The following COL5A2 variants were observed in gnomAD, a reference collection of about 807,000 sequenced individuals.
COL5A2 encodes the protein collagen type V alpha 2 chain, also known as collagen alpha-2(V) chain.
Under a neutral mutation model 208.2 loss-of-function variants are expected in COL5A2, and 23 were observed. The ratio of observed to expected loss-of-function variants is 0.11; its 90% CI spans 0.08 to 0.16. COL5A2 has a LOEUF of 0.16. Among genes scored for constraint, COL5A2 ranks in the 10% least tolerant of loss-of-function variants. The pLI is 1.00. For missense variants in COL5A2, 1,590 were observed against 1,956.4 expected (o/e 0.81, Z 3.53); for synonymous variants, 625 against 628.5 (o/e 0.99, Z 0.08).
the COL5A2 span, among the ~76,000 whole-genome samples, chr2:189,362,014 A>G: frequency 6.6e-6 from 1 of 152,062 alleles, no homozygotes; most frequent in Non-Finnish European, 1.5e-5. Context: ...TTTGCCTTTT[A>G]TTCTTTATAC....
At position 189,088,583 on chromosome 2, in the gene COL5A2, G is replaced by A. The variant is rs74611088; in HGVS notation, c.645+112C>T. 560 of 828,876 alleles carry A rather than the reference G, an allele frequency of 6.8e-4. 7 individuals carry two copies. The East Asian group carries it at 0.014, about 20-fold the overall frequency. The allele number at this position is 828,876 out of a possible 1,614,324, so 51.3% of individuals were successfully genotyped here. On this transcript the variant is annotated intron_variant, in intron 8 of 53. Transcript: ENST00000374866. ...TAAATGAATGAATGAATGAATGTAC[G>A]ACTGTGTTTAAGAAGATGCATGTTA...
At chr2:189,170,365 G>C (rs1438232182) in intron 1 of COL5A2, among the ~76,000 whole-genome samples, 1 of 152,180 alleles carries the variant, frequency 6.6e-6, no homozygotes, top group Non-Finnish European at 1.5e-5. Context: ...TCATGACATA[G>C]TCCCTATCTC....
At chr2:189,217,819 G>A (rs1258301163) in intron 1 of COL5A2, among the ~76,000 whole-genome samples, 3 of 152,132 alleles carry the variant, frequency 2.0e-5, no homozygotes, top group African/African-American at 7.2e-5. Context: ...CAGTGAGGAA[G>A]GGACTGTGAT....
the COL5A2 span, among the ~76,000 whole-genome samples, chr2:189,396,630 C>G: frequency 2.1e-5 from 3 of 143,546 alleles, no homozygotes; most frequent in East Asian, 4.2e-4. Flanking sequence ...GCAGAGCTCG[C>G]GCCACTGCAC....
intron 35 of COL5A2, among the ~76,000 whole-genome samples, chr2:189,055,755 A>G (rs1685888646): frequency 6.6e-6 from 1 of 152,224 alleles, no homozygotes; most frequent in South Asian, 2.1e-4. Flanking sequence ...CTCATTAAAA[A>G]TAAAGCAGTC....
chr2:189,225,786 T>C (rs1464608833), upstream of COL5A2, among the ~76,000 whole-genome samples: 1 of 152,146 alleles, frequency 6.6e-6, no homozygotes, highest in African/African-American at 2.4e-5. Context: ...GATTTTCTTA[T>C]TTGTGTGGTT....
chr2:189,327,086 A>ATAC, the COL5A2 span, among the ~76,000 whole-genome samples: 1 of 150,918 alleles, frequency 6.6e-6, no homozygotes, highest in Admixed American at 6.6e-5. Context: ...AATAATAATA[A>ATAC]TAATAATAAT....
chr2:189,247,556 AG>A, the COL5A2 span, among the ~76,000 whole-genome samples: 5 of 151,690 alleles, frequency 3.3e-5, no homozygotes, highest in Non-Finnish European at 7.4e-5. Flanking sequence ...ATACCAGGTT[AG>A]GAAGTCTTTT....
chr2:189,117,469 G>T (rs1162940336), intron 1 of COL5A2, among the ~76,000 whole-genome samples: 2 of 152,100 alleles, frequency 1.3e-5, no homozygotes, highest in Non-Finnish European at 2.9e-5. Context: ...TGAAACATTT[G>T]TAAGTGTTCT....
intron 5 of COL5A2, 200 bp from the exon 6 acceptor site, chr2:189,097,530 T>C (rs1239794390): frequency 1.7e-5 from 12 of 688,822 alleles, no homozygotes; most frequent in Non-Finnish European, 3.1e-5. Flanking sequence ...CAGTGACATT[T>C]AAAGACCTAT....
At chr2:189,114,855 T>C (rs1207376056) in intron 1 of COL5A2, among the ~76,000 whole-genome samples, 1 of 151,860 alleles carries the variant, frequency 6.6e-6, no homozygotes, top group Non-Finnish European at 1.5e-5. Flanking sequence ...ACCCTGGAAC[T>C]TAAAATAAAA....
intron 1 of COL5A2, among the ~76,000 whole-genome samples, chr2:189,151,934 G>T (rs1688151100): frequency 1.3e-5 from 2 of 152,314 alleles, no homozygotes; most frequent in South Asian, 2.1e-4. Flanking sequence ...GACCCCAGTA[G>T]TTATATTAGA....
chr2:189,245,402 T>TAATTTA, the COL5A2 span, among the ~76,000 whole-genome samples: 1 of 152,160 alleles, frequency 6.6e-6, no homozygotes, highest in African/African-American at 2.4e-5. Context: ...TAGTGATAGT[T>TAATTTA]AATTTAAGAT....
At chr2:189,142,135 C>A (rs894867587) in intron 1 of COL5A2, among the ~76,000 whole-genome samples, 3 of 152,014 alleles carry the variant, frequency 2.0e-5, no homozygotes, top group South Asian at 2.1e-4. Context: ...AAAGTTTAAT[C>A]TATATGTTTT....
chr2:189,315,479 C>T, the COL5A2 span, among the ~76,000 whole-genome samples: 1 of 152,174 alleles, frequency 6.6e-6, no homozygotes, highest in Non-Finnish European at 1.5e-5. Flanking sequence ...CAACATCACA[C>T]TGAATGGGCA....
intron 1 of COL5A2, among the ~76,000 whole-genome samples, chr2:189,134,971 A>G (rs919504651): frequency 1.9e-5 from 1 of 53,600 alleles, no homozygotes; most frequent in East Asian, 7.0e-4. Context: ...TTAATTTTAA[A>G]GTTTTGAAAA....
chr2:189,243,875 G>T, the COL5A2 span, among the ~76,000 whole-genome samples: 1 of 152,188 alleles, frequency 6.6e-6, no homozygotes, highest in Non-Finnish European at 1.5e-5. Flanking sequence ...CAAAATGGGA[G>T]AAATTGGCCA....
intron 31 of COL5A2, among the ~76,000 whole-genome samples, chr2:189,059,585 G>GTTTTTTTTTTTTTTTT (rs71020980): frequency 0.093 from 2,656 of 28,614 alleles, 958 homozygotes; most frequent in Non-Finnish European, 0.15. Context: ...TTCTTTTCTG[G>GTTTTTTTTTTTTTTTT]TTTTTTTTTT....
At chr2:189,108,190 T>A (rs2105707325) in intron 2 of COL5A2, among the ~76,000 whole-genome samples, 1 of 151,938 alleles carries the variant, frequency 6.6e-6, no homozygotes, top group Non-Finnish European at 1.5e-5. Context: ...GTTACACTTT[T>A]GTTTTAGTCT....
Sources: allele counts gnomAD v4.1 joint callset (sites outside exome capture counted in the v4.1 genomes callset), GRCh38; gene constraint gnomAD v4.1.1; transcripts MANE v1.5; gene names NCBI Gene and HGNC (gene_info 2026-07-23, HGNC 2026-07-21).